CACHD1: variants seen among roughly 807,000 people sequenced by gnomAD.
The protein encoded by CACHD1 is VWFA and cache domain-containing protein 1.
CACHD1 carries 71 observed loss-of-function variants against 138.7 expected under a neutral mutation model. That is an observed-to-expected ratio of 0.51 (90% CI 0.42 to 0.62). CACHD1 has a LOEUF of 0.62. Among genes scored for constraint, CACHD1 ranks in the 20% least tolerant of loss-of-function variants. The pLI, the probability that CACHD1 is intolerant of heterozygous loss-of-function variation, is 0.00. For synonymous variants in CACHD1, 578 were observed against 591.5 expected, an observed-to-expected ratio of 0.98 and a Z score of 0.33; for missense variants, 1,389 against 1,625.3, an observed-to-expected ratio of 0.85 and a Z score of 2.50.
At chr1:64,566,941 G>A (rs1261519198) in intron 2 of CACHD1, among the ~76,000 whole-genome samples, 3 of 152,006 alleles carry the variant, frequency 2.0e-5, no homozygotes, top group Admixed American at 6.6e-5. Context: ...GTATGTATAT[G>A]TTTATTGCAG....
At chr1:64,477,634 A>ATTAT (rs1231966567) in intron 1 of CACHD1, among the ~76,000 whole-genome samples, 7 of 131,806 alleles carry the variant, frequency 5.3e-5, no homozygotes, top group African/African-American at 1.8e-4. Flanking sequence ...ATTTTATTTT[A>ATTAT]TTTTTTTTTT....
intron 2 of CACHD1, among the ~76,000 whole-genome samples, chr1:64,573,880 A>G (rs1361380324): frequency 6.6e-6 from 1 of 152,238 alleles, no homozygotes; most frequent in Non-Finnish European, 1.5e-5. Context: ...GTCACATGTC[A>G]CACAGTGCCC....
At chr1:64,671,200 T>A (rs971754322) in intron 16 of CACHD1, among the ~76,000 whole-genome samples, 1 of 152,184 alleles carries the variant, frequency 6.6e-6, no homozygotes, top group Non-Finnish European at 1.5e-5. Flanking sequence ...GGGGGATTTT[T>A]TTTTTATCTA....
intron 1 of CACHD1, among the ~76,000 whole-genome samples, chr1:64,507,587 A>T (rs1175409189): frequency 2.0e-5 from 3 of 152,230 alleles, no homozygotes; most frequent in Non-Finnish European, 2.9e-5. Context: ...GGAAAATGGG[A>T]GAACTGGAGT....
chr1:64,569,663 G>A (rs994673638), intron 2 of CACHD1, among the ~76,000 whole-genome samples: 4 of 152,116 alleles, frequency 2.6e-5, no homozygotes, highest in Non-Finnish European at 2.9e-5. Flanking sequence ...TGGGTGTTAC[G>A]TAAGCAGCCA....
intron 8 of CACHD1, among the ~76,000 whole-genome samples, chr1:64,644,193 C>T (rs1054875723): frequency 2.6e-5 from 4 of 152,236 alleles, no homozygotes; most frequent in Non-Finnish European, 4.4e-5. Context: ...TCTCTGACCA[C>T]CTGTTGCTCT....
intron 26 of CACHD1, among the ~76,000 whole-genome samples, chr1:64,690,674 T>C (rs1650517844): frequency 6.6e-6 from 1 of 152,204 alleles, no homozygotes. Flanking sequence ...CCTTAACCTC[T>C]CTGATCATCA....
At chr1:64,674,081 G>C (rs1158904173) in intron 19 of CACHD1, among the ~76,000 whole-genome samples, 1 of 45,990 alleles carries the variant, frequency 2.2e-5, no homozygotes, top group Non-Finnish European at 1.3e-4. Flanking sequence ...TTTACAGGAA[G>C]TAGGTTTTTT....
At chr1:64,591,434 T>C (rs540577980) in intron 3 of CACHD1, among the ~76,000 whole-genome samples, 1 of 152,220 alleles carries the variant, frequency 6.6e-6, no homozygotes, top group African/African-American at 2.4e-5. Context: ...TGGATCAATA[T>C]TAGATCATAA....
intron 8 of CACHD1, among the ~76,000 whole-genome samples, chr1:64,645,833 C>G (rs986006760): frequency 6.6e-6 from 1 of 152,194 alleles, no homozygotes; most frequent in Non-Finnish European, 1.5e-5. Context: ...CTGGAGCATT[C>G]TGGCCCCTCA....
rs193055240 is a variant in CACHD1 at position 64,649,211 on chromosome 1, T to C, written c.1390+1177T>C. On this transcript the variant is annotated intron_variant, in intron 9 of 26. Coordinates refer to ENST00000651257, the MANE Select transcript of CACHD1 (RefSeq NM_020925.4). ...AACTGCCATTATGTCTCAATTTTTA[T>C]TTTTAAAGAGACAGGGCCTGTCTCA... Among the ~76,000 whole-genome samples, 354 of 152,286 alleles carry C rather than the reference T, an allele frequency of 2.3e-3. 1 individual carries two copies. The highest frequency in any genetic ancestry group is 8.2e-3 in the African/African-American group (342 of 41,552).
At chr1:64,617,324 A>G (rs1647749033) in intron 4 of CACHD1, among the ~76,000 whole-genome samples, 1 of 151,932 alleles carries the variant, frequency 6.6e-6, no homozygotes, top group Non-Finnish European at 1.5e-5. Context: ...ATGCTTGAAG[A>G]TCACCTTGAC....
At chr1:64,502,487 G>A (rs59871018) in intron 1 of CACHD1, among the ~76,000 whole-genome samples, 4,303 of 152,072 alleles carry the variant, frequency 0.028, 224 homozygotes, top group African/African-American at 0.098. Context: ...TGCCTGCTTG[G>A]TATTGCTTGT....
chr1:64,673,117 AC>A, intron 17 of CACHD1, 40 bp from the exon 18 acceptor site: 1 of 1,518,534 alleles, frequency 6.6e-7, no homozygotes, highest in Non-Finnish European at 9.0e-7. Context: ...AAAAAAAAAA[AC>A]AGCTGATATG....
chr1:64,494,264 A>C (rs550214005), intron 1 of CACHD1, among the ~76,000 whole-genome samples: 3 of 152,292 alleles, frequency 2.0e-5, no homozygotes, highest in Admixed American at 6.5e-5. Context: ...CTTTTAGACC[A>C]GGTAGGGGCT....
intron 2 of CACHD1, among the ~76,000 whole-genome samples, chr1:64,550,940 ATTAT>A (rs1646754564): frequency 6.6e-6 from 1 of 152,204 alleles, no homozygotes; most frequent in Non-Finnish European, 1.5e-5. Context: ...AACACTGAAA[ATTAT>A]TTTATCTGAT....
intron 3 of CACHD1, among the ~76,000 whole-genome samples, chr1:64,585,013 A>C (rs1007495520): frequency 1.3e-5 from 2 of 152,198 alleles, no homozygotes; most frequent in Non-Finnish European, 2.9e-5. Context: ...ACATCACAAA[A>C]ATATATATAA....
At chr1:64,476,079 C>T (rs1002329721) in intron 1 of CACHD1, among the ~76,000 whole-genome samples, 2 of 149,548 alleles carry the variant, frequency 1.3e-5, no homozygotes, top group African/African-American at 4.9e-5. Context: ...GTGAAATGTC[C>T]ACACACACAG....
chr1:64,470,614 C>T lies in CACHD1; in HGVS notation c.-131C>T. 2 of 352,594 alleles carry T rather than the reference C, an allele frequency of 5.7e-6. No homozygotes were observed. The highest frequency in any genetic ancestry group is 1.0e-5 in the Non-Finnish European group (2 of 196,758). The allele number at this position is 352,594 out of a possible 1,614,324, so 21.8% of individuals were successfully genotyped here. On this transcript the variant is annotated 5_prime_UTR_variant, in exon 1 of 27. Coordinates refer to ENST00000651257, the MANE Select transcript of CACHD1 (RefSeq NM_020925.4). The surrounding 1 kb of genome is among the most constrained non-coding windows in gnomAD (Gnocchi z 5.2). ...CCCTAAGTTTGGGAGCCTTCGCCACCGCGGCGCGGAGCAGAGCCTGCAACA... is the reference window on the plus strand; with the variant it reads ...CCCTAAGTTTGGGAGCCTTCGCCACTGCGGCGCGGAGCAGAGCCTGCAACA...
Sources: gnomAD v4.1 joint callset for allele counts (sites outside exome capture counted in the v4.1 genomes callset) on GRCh38, gnomAD v4.1.1 for gene constraint, Gnocchi (gnomAD v3.1) non-coding constraint, MANE v1.5 for transcripts, NCBI Gene and HGNC (gene_info 2026-07-23, HGNC 2026-07-21) for gene names.